ZGRF1: variants seen among roughly 807,000 people sequenced by gnomAD.
ZGRF1 encodes the protein zinc finger GRF-type containing 1.
A neutral mutation model predicts 203.5 loss-of-function variants in ZGRF1; 196 were observed. The observed-to-expected ratio is 0.96, with a 90% CI of 0.86 to 1.08. The LOEUF (loss-of-function observed/expected upper bound fraction) is 1.08. Ranked by LOEUF, ZGRF1 falls within the 50% of genes least tolerant of loss-of-function variation. The probability of loss-of-function intolerance (pLI) is 0.00; values close to 1 mark genes in which losing one functional copy is unlikely to be tolerated. For synonymous variants in ZGRF1, 809 were observed against 841.3 expected (o/e 0.96, Z 0.66); for missense variants, 2,326 against 2,416.3 (o/e 0.96, Z 0.78).
At chr4:112,601,573 A>T (rs1047256308) in intron 10 of ZGRF1, among the ~76,000 whole-genome samples, 15 of 127,664 alleles carry the variant, frequency 1.2e-4, no homozygotes, top group African/African-American at 5.3e-4. Context: ...GACCTTGTCT[A>T]AAAAAAAAAA....
chr4:112,574,864 A>G (rs1460016271), intron 16 of ZGRF1, among the ~76,000 whole-genome samples: 4 of 152,054 alleles, frequency 2.6e-5, no homozygotes, highest in African/African-American at 9.7e-5. Context: ...TGTCTCTACT[A>G]AAAATACAAA....
intron 16 of ZGRF1, among the ~76,000 whole-genome samples, chr4:112,577,640 T>C (rs569390962): frequency 8.2e-6 from 1 of 122,516 alleles, no homozygotes; most frequent in African/African-American, 2.8e-5. Flanking sequence ...TAGTATCTGA[T>C]AAAACAGACT....
At position 112,576,368 on chromosome 4, in the gene ZGRF1, C is replaced by T. The variant is rs538261930; in HGVS notation, c.4438+5295G>A. Among the ~76,000 whole-genome samples, 11 of 152,260 alleles carry T rather than the reference C, an allele frequency of 7.2e-5. No individual in the cohort carries two copies. In the East Asian group the frequency reaches 7.7e-4, roughly 11 times the overall value. On this transcript the variant is annotated intron_variant, in intron 16 of 27. Coordinates refer to ENST00000505019, the MANE Select transcript of ZGRF1 (RefSeq NM_018392.5). ...AAACTGGAAACTCTAAAAATCAGAG[C>T]GCCTCTCCTCCTCCAAAGGAACGCA...
chr4:112,583,075 A>G (rs1318226507), intron 15 of ZGRF1, among the ~76,000 whole-genome samples: 1 of 152,178 alleles, frequency 6.6e-6, no homozygotes, highest in East Asian at 1.9e-4. Context: ...TTTCTAAACT[A>G]TAAAACGGGA....
chr4:112,587,914 C>T lies in ZGRF1; in HGVS notation c.3143G>A (p.Arg1048His), dbSNP rs189716668. 1.4e-4 allele frequency: 214 copies of T among 1,527,132 alleles called. No individual in the cohort carries two copies. The highest frequency in any genetic ancestry group is 6.4e-4 in the East Asian group (26 of 40,724). The allele number at this position is 1,527,132 out of a possible 1,614,324, so 94.6% of individuals were successfully genotyped here. The stretch of plus-strand genomic sequence containing the variant: ...TTGAAGGTTCTCATTCTCCAGAGAA[C>T]GGGATTTTTTCATCCCTGAAAGAAA... Reference protein sequence around the residue: ...FLNLEGMKKSRSLENENLQRL... With the variant: ...FLNLEGMKKSHSLENENLQRL... The change falls in exon 12 of 28, where the codon CGT (arginine) becomes CAT (histidine). Residue 1048 changes from arginine (R) to histidine (H), a missense_variant. Coordinates refer to ENST00000505019, the MANE Select transcript of ZGRF1 (RefSeq NM_018392.5).
At chr4:112,581,908 C>G (rs1746330929) in intron 15 of ZGRF1, 106 bp from the exon 16 acceptor site, 5 of 498,680 alleles carry the variant, frequency 1.0e-5, no homozygotes. Context: ...ATATGTTTAC[C>G]TAGTTTCATA....
intron 16 of ZGRF1, among the ~76,000 whole-genome samples, chr4:112,568,554 T>TA: frequency 1.3e-5 from 2 of 148,620 alleles, no homozygotes; most frequent in East Asian, 4.0e-4. Context: ...CTACTACAAA[T>TA]AAAAAAAACT....
At chr4:112,629,396 C>A (rs896073481) in intron 3 of ZGRF1, among the ~76,000 whole-genome samples, 1 of 152,210 alleles carries the variant, frequency 6.6e-6, no homozygotes, top group Non-Finnish European at 1.5e-5. Flanking sequence ...TTGAGCCAGG[C>A]GCGGTGGCTT....
At chr4:112,553,060 T>C (rs1039691167) in intron 22 of ZGRF1, among the ~76,000 whole-genome samples, 2 of 152,252 alleles carry the variant, frequency 1.3e-5, no homozygotes, top group East Asian at 1.9e-4. Context: ...ACTGAGTTTG[T>C]TAACCCTCAT....
At chr4:112,574,328 A>T (rs770918783) in intron 16 of ZGRF1, among the ~76,000 whole-genome samples, 3 of 152,210 alleles carry the variant, frequency 2.0e-5, no homozygotes, top group Non-Finnish European at 4.4e-5. Flanking sequence ...AATTGTAGCA[A>T]CATACTAACC....
chr4:112,554,462 A>T (rs1740579903), intron 21 of ZGRF1, among the ~76,000 whole-genome samples: 1 of 152,184 alleles, frequency 6.6e-6, no homozygotes, highest in South Asian at 2.1e-4. Flanking sequence ...GGATTAAGAA[A>T]ATGTGGCACA....
At position 112,606,005 on chromosome 4, in the gene ZGRF1, T is replaced by G. The variant is rs993220097; in HGVS notation, c.2802+3A>C. ...ATAAATCGATGTTCTTCACAAATTT[T>G]ACCTTAGGGTCACAGGTTTTTCTCT... On this transcript the variant is annotated splice_donor_region_variant and intron_variant, in intron 9 of 27. Coordinates refer to ENST00000505019, the MANE Select transcript of ZGRF1 (RefSeq NM_018392.5). 3 of 1,564,228 alleles carry G rather than the reference T, an allele frequency of 1.9e-6. No individual in the cohort carries two copies. Among genetic ancestry groups the G allele is most frequent in the Non-Finnish European group, 1.7e-6 (2 of 1,145,468 alleles).
chr4:112,576,091 A>G (rs1021371934), intron 16 of ZGRF1, among the ~76,000 whole-genome samples: 2 of 152,210 alleles, frequency 1.3e-5, no homozygotes, highest in Admixed American at 6.5e-5. Context: ...TTCCAGAGGA[A>G]CAATCAGGCA....
chr4:112,550,560 A>C (rs1739754902), intron 22 of ZGRF1, among the ~76,000 whole-genome samples: 1 of 152,094 alleles, frequency 6.6e-6, no homozygotes, highest in African/African-American at 2.4e-5. Context: ...GCGTTTATAA[A>C]GTCTACAGTA....
intron 8 of ZGRF1, among the ~76,000 whole-genome samples, chr4:112,608,568 C>G (rs978992187): frequency 1.3e-5 from 2 of 151,514 alleles, no homozygotes; most frequent in Non-Finnish European, 2.9e-5. Flanking sequence ...TGCGGTGAGC[C>G]GAGATCACAC....
intron 1 of ZGRF1, 32 bp downstream of exon 1, chr4:112,636,819 C>T (rs2047668092): frequency 6.6e-6 from 1 of 152,178 alleles, no homozygotes; most frequent in South Asian, 2.1e-4. Context: ...TCAAGTCATT[C>T]CTAGGAAATC....
chr4:112,560,301 T>A (rs1741721492), intron 19 of ZGRF1, among the ~76,000 whole-genome samples: 2 of 152,158 alleles, frequency 1.3e-5, no homozygotes, highest in South Asian at 4.1e-4. Flanking sequence ...GCAGTTTCTG[T>A]TATGACCTCC....
intron 11 of ZGRF1, among the ~76,000 whole-genome samples, chr4:112,588,235 A>G (rs1396831586): frequency 6.6e-6 from 1 of 152,110 alleles, no homozygotes; most frequent in African/African-American, 2.4e-5. Context: ...AGCACTTTAA[A>G]GCTAACAACA....
rs988724105 is a variant in ZGRF1, at chr4:112,617,932, G to T, written c.2110C>A (p.Leu704Ile). The change falls in exon 6 of 28, where the codon CTA (leucine) becomes ATA (isoleucine). Residue 704 changes from leucine to isoleucine, a missense_variant. Leu to Ile is a conservative substitution (Grantham distance 5). Coordinates refer to ENST00000505019, the MANE Select transcript of ZGRF1 (RefSeq NM_018392.5). ...IQNQIAENSN[L>I]FSEDAQPQPF... ...TGAGGTTGAGCATCTTCTGAAAATA[G>T]ATTACTGTTTTCAGCAATCTGGTTT... 3 of 1,613,518 alleles carry T rather than the reference G, an allele frequency of 1.9e-6. No homozygotes were observed. Among genetic ancestry groups the T allele is most frequent in the Non-Finnish European group, 1.7e-6 (2 of 1,179,938 alleles).
Sources: gnomAD v4.1 joint callset for allele counts (sites outside exome capture counted in the v4.1 genomes callset) on GRCh38, gnomAD v4.1.1 for gene constraint, MANE v1.5 for transcripts, NCBI Gene and HGNC (gene_info 2026-07-23, HGNC 2026-07-21) for gene names.